RANBP3L: variants seen among roughly 807,000 people sequenced by gnomAD.
RANBP3L encodes ran-binding protein 3-like.
RANBP3L carries 56 observed loss-of-function variants against 67.2 expected under a neutral mutation model. The observed-to-expected ratio is 0.83, with a 90% CI of 0.67 to 1.04. The LOEUF (loss-of-function observed/expected upper bound fraction) is 1.04, where lower values mean the gene tolerates loss of function less well. RANBP3L is among the 50% of genes least tolerant of loss of function. The probability of loss-of-function intolerance (pLI) is 0.00; values close to 1 mark genes in which losing one functional copy is unlikely to be tolerated. For synonymous variants in RANBP3L, 164 were observed against 181.4 expected (o/e 0.90, Z 0.77); for missense variants, 496 against 535.5 (o/e 0.93, Z 0.73).
intron 1 of RANBP3L, among the ~76,000 whole-genome samples, chr5:36,294,466 C>T (rs1374121500): frequency 6.6e-6 from 1 of 151,948 alleles, no homozygotes; most frequent in Non-Finnish European, 1.5e-5. Flanking sequence ...TTTGCTCTTG[C>T]TTTTCTAGTT....
chr5:36,249,306 G>A lies in RANBP3L; in HGVS notation c.*348C>T, dbSNP rs1748441788. 6.3e-6 allele frequency: 1 copy of A among 159,556 alleles called. No homozygotes were observed. The highest frequency in any genetic ancestry group is 2.4e-5 in the African/African-American group (1 of 41,752). The allele number at this position is 159,556 out of a possible 1,614,324, so 9.9% of individuals were successfully genotyped here. A position where few individuals can be genotyped will look rare whatever the true frequency, so the allele number is the denominator to read the frequency against. On this transcript the variant is annotated 3_prime_UTR_variant, in exon 14 of 14. Transcript: ENST00000296604. ...TATGACTGAAAAAAATAAACATTTT[G>A]TTAGGTATTTATCAAATCTAGCAAT...
chr5:36,292,716 T>C (rs1246318556), intron 1 of RANBP3L, among the ~76,000 whole-genome samples: 8 of 151,978 alleles, frequency 5.3e-5, no homozygotes, highest in Admixed American at 1.3e-4. Flanking sequence ...GTTGTAGATA[T>C]GCAGTGTTAT....
intron 1 of RANBP3L, among the ~76,000 whole-genome samples, chr5:36,273,558 C>A (rs1038526685): frequency 6.6e-6 from 1 of 152,136 alleles, no homozygotes; most frequent in African/African-American, 2.4e-5. Context: ...AAAGAGATAA[C>A]CTTCATACTT....
chr5:36,272,529 A>G (rs925060639), intron 1 of RANBP3L, among the ~76,000 whole-genome samples: 7 of 152,236 alleles, frequency 4.6e-5, no homozygotes, highest in Non-Finnish European at 1.0e-4. Context: ...TAAGAGTTTC[A>G]TAATGTCTGC....
At chr5:36,279,707 A>T (rs716636) in intron 1 of RANBP3L, among the ~76,000 whole-genome samples, 3 of 152,060 alleles carry the variant, frequency 2.0e-5, no homozygotes, top group Admixed American at 6.6e-5. Context: ...GGGTAGGAAC[A>T]CTTATCCCTT....
At chr5:36,299,363 GTGTA>G (rs1194518019) in intron 1 of RANBP3L, among the ~76,000 whole-genome samples, 1 of 144,510 alleles carries the variant, frequency 6.9e-6, no homozygotes, top group Non-Finnish European at 1.5e-5. Context: ...GTGTGTGTGT[GTGTA>G]TATATCCTAT....
intron 4 of RANBP3L, among the ~76,000 whole-genome samples, chr5:36,267,357 A>T (rs1749875902): frequency 6.6e-6 from 1 of 152,046 alleles, no homozygotes; most frequent in Non-Finnish European, 1.5e-5. Flanking sequence ...AAATACAAAA[A>T]TTAGCTGGGC....
At chr5:36,285,454 G>A (rs552087657) in intron 1 of RANBP3L, among the ~76,000 whole-genome samples, 1 of 152,290 alleles carries the variant, frequency 6.6e-6, no homozygotes, top group African/African-American at 2.4e-5. Flanking sequence ...TAGTGTACAG[G>A]CTACATGTGT....
chr5:36,260,933 T>A (rs1749340900), intron 7 of RANBP3L, 69 bp from the exon 8 acceptor site: 1 of 666,860 alleles, frequency 1.5e-6, no homozygotes, highest in East Asian at 2.8e-5. Flanking sequence ...CTTGAAATAA[T>A]CAGATAATTT....
At chr5:36,252,339 A>G (rs1748652964) in intron 12 of RANBP3L, among the ~76,000 whole-genome samples, 1 of 152,106 alleles carries the variant, frequency 6.6e-6, no homozygotes, top group Admixed American at 6.6e-5. Context: ...ACCTACTGAA[A>G]CAATTTTTGA....
In RANBP3L at chr5:36,249,664, G is replaced by C; in HGVS notation, c.1388C>G (p.Ala463Gly). ...TATAGTAGGTAGTATTCATGAACAG[G>C]CAACCGACTGTCTGTGAGTCCAACT... ...PSSWTHRQSV[A>G]CS is the part of the protein sequence containing the mutation. Residue 463 changes from alanine to glycine, a missense_variant, in exon 14 of 14, where the codon GCC becomes GGC. By Grantham distance (60) the Ala-to-Gly change is moderately conservative (BLOSUM62 0). Transcript: ENST00000296604. 6.4e-7 allele frequency: 1 copy of C among 1,557,876 alleles called. No homozygotes were observed. Among genetic ancestry groups the C allele is most frequent in the South Asian group, 1.2e-5 (1 of 84,538 alleles).
intron 4 of RANBP3L, chr5:36,268,417 A>C (rs934370223): frequency 5.6e-6 from 3 of 532,750 alleles, no homozygotes; most frequent in Non-Finnish European, 9.8e-6. Context: ...CATCTGATGA[A>C]GATGATAAAT....
At chr5:36,282,673 G>T (rs1213082234) in intron 1 of RANBP3L, among the ~76,000 whole-genome samples, 1 of 152,144 alleles carries the variant, frequency 6.6e-6, no homozygotes, top group Non-Finnish European at 1.5e-5. Context: ...GGAATAAGTG[G>T]ATGTTATTCC....
In RANBP3L at chr5:36,253,786, A is replaced by G. The variant is rs1485850751; in HGVS notation, c.1028T>C (p.Met343Thr). 1.2e-6 allele frequency: 2 copies of G among 1,612,410 alleles called. No homozygotes were observed. Among genetic ancestry groups the G allele is most frequent in the Non-Finnish European group, 1.7e-6 (2 of 1,178,988 alleles). Residue 343 changes from methionine to threonine, a missense_variant, in exon 12 of 14, where the codon ATG (methionine) becomes ACG (threonine). Met to Thr is a moderately conservative substitution (Grantham distance 81, BLOSUM62 -1). Coordinates refer to ENST00000296604, the MANE Select transcript of RANBP3L (RefSeq NM_145000.5). ...DCGTLQSRLI[M>T]RNQGSLRLIL... ...CAGCCTTAGACTGCCTTGATTGCGCATAACTAAAATAGGAAGGTGACTACA... is the reference window on the plus strand; with the variant it reads ...CAGCCTTAGACTGCCTTGATTGCGCGTAACTAAAATAGGAAGGTGACTACA...
rs779781590 is a variant in RANBP3L at position 36,301,445 on chromosome 5, G to C, written c.-29C>G. 17 of 1,560,320 alleles carry C rather than the reference G, an allele frequency of 1.1e-5. 1 individual carries two copies. In the South Asian group the frequency reaches 1.9e-4, roughly 17 times the overall value. On this transcript the variant is annotated 5_prime_UTR_variant, in exon 1 of 14. The change creates a new upstream start codon in the 5' untranslated region. Coordinates refer to ENST00000296604, the MANE Select transcript of RANBP3L (RefSeq NM_145000.5). ...CCTAGCAGTATGGCTGTGACTCAAG[G>C]ATCACTAGGGCACCTCCTTCTCTGG...
chr5:36,294,688 G>T (rs1300939410), intron 1 of RANBP3L, among the ~76,000 whole-genome samples: 1 of 150,562 alleles, frequency 6.6e-6, no homozygotes, highest in South Asian at 2.1e-4. Flanking sequence ...CCATGTTTTA[G>T]CATGTGTCAG....
chr5:36,255,936 C>A (rs1380680466), intron 10 of RANBP3L, among the ~76,000 whole-genome samples: 1 of 151,916 alleles, frequency 6.6e-6, no homozygotes, highest in Non-Finnish European at 1.5e-5. Context: ...ATAAATGTTC[C>A]CCCTCTTTTT....
intron 10 of RANBP3L, 159 bp downstream of exon 10, chr5:36,256,782 T>C (rs2111684608): frequency 3.2e-6 from 2 of 615,598 alleles, no homozygotes; most frequent in Non-Finnish European, 5.4e-6. Flanking sequence ...AAATAAATTA[T>C]TGGTTCAATT....
intron 4 of RANBP3L, among the ~76,000 whole-genome samples, chr5:36,267,382 C>T (rs191138410): frequency 6.6e-6 from 1 of 152,008 alleles, no homozygotes; most frequent in Non-Finnish European, 1.5e-5. Context: ...GTGGTGTGCG[C>T]CTGTAGTCCC....
Sources: allele counts gnomAD v4.1 joint callset (sites outside exome capture counted in the v4.1 genomes callset), GRCh38; gene constraint gnomAD v4.1.1; transcripts MANE v1.5; gene names NCBI Gene and HGNC (gene_info 2026-07-23, HGNC 2026-07-21).